Variants in BACH2 observed in about 807,000 individuals in gnomAD.
BACH2 encodes transcription regulator protein BACH2.
In BACH2, 5 loss-of-function variants were observed where a neutral mutation model predicts 61.8. That is an observed-to-expected ratio of 0.08 (90% CI 0.04 to 0.17). The LOEUF (loss-of-function observed/expected upper bound fraction) is 0.17, where lower values mean the gene tolerates loss of function less well. Ranked by LOEUF, BACH2 falls within the 10% of genes least tolerant of loss-of-function variation. BACH2 has a pLI of 1.00. For synonymous variants in BACH2, 446 were observed against 440.1 expected (o/e 1.01, Z -0.17); for missense variants, 824 against 1,091.1 (o/e 0.76, Z 3.45).
chr6:90,165,594 C>T (rs554479378), intron 4 of BACH2, among the ~76,000 whole-genome samples: 19 of 151,964 alleles, frequency 1.3e-4, no homozygotes, highest in East Asian at 3.9e-4. Context: ...GAGCCCGCAT[C>T]GCCAAGTCAA....
intron 1 of BACH2, among the ~76,000 whole-genome samples, chr6:90,285,086 A>G (rs1771976777): frequency 6.6e-6 from 1 of 152,240 alleles, no homozygotes; most frequent in Non-Finnish European, 1.5e-5. Flanking sequence ...TTGTATCTAC[A>G]AAAGGAAGTT....
At chr6:89,996,350 C>T (rs9344981) in intron 6 of BACH2, among the ~76,000 whole-genome samples, 56,989 of 152,114 alleles carry the variant, frequency 0.37, 11,791 homozygotes, top group East Asian at 0.65. Context: ...TGTTGCCATC[C>T]AACATGCATT....
chr6:90,168,881 C>T (rs921185611), intron 4 of BACH2, among the ~76,000 whole-genome samples: 1 of 152,208 alleles, frequency 6.6e-6, no homozygotes, highest in African/African-American at 2.4e-5. Flanking sequence ...ATGTGATACA[C>T]TTTTTATCAC....
Position 90,164,126 on chromosome 6 carries a change from C to G in BACH2, c.-162+42443G>C, listed in dbSNP as rs1320371106. ...TTCAAAAAATCAATGAATCCAGGAG[C>G]TGGTTTTTTGAAAAGATCAACAACA... On this transcript the variant is annotated intron_variant, in intron 4 of 8. Coordinates refer to ENST00000257749, the MANE Select transcript of BACH2 (RefSeq NM_021813.4). 2.0e-5 allele frequency among the ~76,000 whole-genome samples: 3 copies of G among 152,242 alleles called. No individual in the cohort carries two copies. The East Asian group carries it at 5.8e-4, about 29-fold the overall frequency.
At chr6:90,079,594 A>G (rs1781633941) in intron 5 of BACH2, among the ~76,000 whole-genome samples, 2 of 152,190 alleles carry the variant, frequency 1.3e-5, no homozygotes, top group Admixed American at 1.3e-4. Context: ...GCCTTTTGCT[A>G]TTTAAACAGA....
intron 6 of BACH2, among the ~76,000 whole-genome samples, chr6:89,962,027 T>TA (rs1343773593): frequency 6.6e-6 from 1 of 152,248 alleles, no homozygotes; most frequent in African/African-American, 2.4e-5. Context: ...ATTCCTATTA[T>TA]AAAAACTACT....
intron 6 of BACH2, among the ~76,000 whole-genome samples, chr6:89,982,010 G>A (rs1322938993): frequency 1.3e-5 from 2 of 151,736 alleles, no homozygotes; most frequent in South Asian, 2.1e-4. Flanking sequence ...TTATTCTGTC[G>A]CCCAGGCTGG....
At chr6:90,274,512 T>C (rs1489379287) in intron 1 of BACH2, among the ~76,000 whole-genome samples, 3 of 152,102 alleles carry the variant, frequency 2.0e-5, no homozygotes, top group African/African-American at 7.2e-5. Flanking sequence ...GTTCATGCAG[T>C]GGGTTACAGG....
chr6:90,077,098 A>G (rs1226342977), intron 5 of BACH2, among the ~76,000 whole-genome samples: 4 of 152,308 alleles, frequency 2.6e-5, no homozygotes, highest in East Asian at 1.9e-4. Flanking sequence ...CAAACTGCAC[A>G]TGAAGGATAA....
At chr6:90,182,369 C>G (rs1768195926) in intron 4 of BACH2, among the ~76,000 whole-genome samples, 1 of 152,160 alleles carries the variant, frequency 6.6e-6, no homozygotes, top group South Asian at 2.1e-4. Flanking sequence ...CTGGGAAAAC[C>G]CTTCCATATT....
At chr6:90,031,488 T>C (rs1295963043) in intron 5 of BACH2, among the ~76,000 whole-genome samples, 6 of 152,150 alleles carry the variant, frequency 3.9e-5, no homozygotes, top group Non-Finnish European at 7.3e-5. Context: ...CTTAAGCTGA[T>C]AGGCAACTTC....
chr6:89,959,479 C>A (rs9362707), intron 6 of BACH2, among the ~76,000 whole-genome samples: 31,461 of 151,844 alleles, frequency 0.21, 3,313 homozygotes, highest in South Asian at 0.27. Context: ...CAGGGTTTTC[C>A]GAAATGTACT....
At chr6:90,227,200 A>C (rs1769944021) in intron 3 of BACH2, among the ~76,000 whole-genome samples, 1 of 152,256 alleles carries the variant, frequency 6.6e-6, no homozygotes, top group African/African-American at 2.4e-5. Context: ...TCTGTCTACA[A>C]AAAGACATTC....
intron 3 of BACH2, among the ~76,000 whole-genome samples, chr6:90,210,317 AC>A (rs1769300130): frequency 2.8e-5 from 1 of 35,506 alleles, no homozygotes; most frequent in Non-Finnish European, 7.9e-5. Context: ...AAAACAACAC[AC>A]ACACACACAC....
intron 5 of BACH2, among the ~76,000 whole-genome samples, chr6:90,039,586 G>A (rs1015942501): frequency 6.6e-6 from 1 of 152,090 alleles, no homozygotes; most frequent in Non-Finnish European, 1.5e-5. Flanking sequence ...GGGTTTCATC[G>A]TGTTAGCCAG....
chr6:89,992,259 C>T (rs1776617734), intron 6 of BACH2, among the ~76,000 whole-genome samples: 1 of 152,034 alleles, frequency 6.6e-6, no homozygotes, highest in Non-Finnish European at 1.5e-5. Context: ...TATTATTTTC[C>T]CTTCTTTGCA....
chr6:89,975,812 C>T (rs1472684654), intron 6 of BACH2, among the ~76,000 whole-genome samples: 1 of 152,148 alleles, frequency 6.6e-6, no homozygotes, highest in Non-Finnish European at 1.5e-5. Flanking sequence ...GTGGCAGAAA[C>T]GAAATACCAT....
chr6:90,051,519 A>G (rs1780046127), intron 5 of BACH2, among the ~76,000 whole-genome samples: 1 of 152,214 alleles, frequency 6.6e-6, no homozygotes, highest in Non-Finnish European at 1.5e-5. Context: ...GAGAGAGACT[A>G]TGGCCCACAA....
At chr6:90,251,523 ACC>A in intron 3 of BACH2, among the ~76,000 whole-genome samples, 1 of 96,358 alleles carries the variant, frequency 1.0e-5, no homozygotes, top group Non-Finnish European at 3.1e-5. Context: ...CATACCCAGC[ACC>A]TGCTTGACAC....
Sources: allele counts gnomAD v4.1 joint callset (sites outside exome capture counted in the v4.1 genomes callset), GRCh38; gene constraint gnomAD v4.1.1; transcripts MANE v1.5; gene names NCBI Gene and HGNC (gene_info 2026-07-23, HGNC 2026-07-21).